The following FBXL13 variants were observed in gnomAD, a reference collection of about 807,000 sequenced individuals.
FBXL13 encodes F-box and leucine-rich repeat protein 13.
FBXL13 carries 67 observed loss-of-function variants against 83.6 expected under a neutral mutation model. The ratio of observed to expected loss-of-function variants is 0.80; its 90% CI spans 0.66 to 0.98. The LOEUF is 0.98. FBXL13 is among the 50% of genes least tolerant of loss of function. The pLI is 0.00. For synonymous variants in FBXL13, 272 were observed against 299.5 expected (o/e 0.91, Z 0.95); for missense variants, 822 against 866.5 (o/e 0.95, Z 0.64).
At chr7:103,024,135 A>AAGAGAGAGAGAGAGAGAGAG (rs59206823) in intron 6 of FBXL13, among the ~76,000 whole-genome samples, 26 of 96,686 alleles carry the variant, frequency 2.7e-4, no homozygotes, top group Admixed American at 8.0e-4. Context: ...AAAAGTTAAA[A>AAGAGAGAGAGAGAGAGAGAG]AGAGAGAGAG....
chr7:102,819,635 A>T (rs887051854), intron 19 of FBXL13, among the ~76,000 whole-genome samples: 2 of 152,216 alleles, frequency 1.3e-5, no homozygotes, highest in South Asian at 2.1e-4. Flanking sequence ...AAATGGAATC[A>T]AGCATGTGGA....
At position 103,029,429 on chromosome 7, in the gene FBXL13, T is replaced by C. The variant is rs1319976290; in HGVS notation, c.1-11A>G. Reference sequence around the variant, plus strand: ...CAATTCCGGAGTCATCTAAAGTAAATAAATAATTGAAATAACAAATATTAG... The same window carrying C: ...CAATTCCGGAGTCATCTAAAGTAAACAAATAATTGAAATAACAAATATTAG... On this transcript the variant is annotated splice_polypyrimidine_tract_variant and intron_variant, in intron 2 of 19. Transcript: ENST00000313221. 1 of 1,415,942 alleles carries C rather than the reference T, an allele frequency of 7.1e-7. No homozygotes were observed. Among genetic ancestry groups the C allele is most frequent in the South Asian group, 1.4e-5 (1 of 72,878 alleles). 87.7% of individuals were successfully genotyped at this position (1,415,942 alleles called of 1,614,324 possible).
Position 102,878,467 on chromosome 7 carries a change from A to G in FBXL13, c.1389-17T>C, listed in dbSNP as rs201942923. 6 of 1,396,934 alleles carry G rather than the reference A, an allele frequency of 4.3e-6. No homozygotes were observed. Among genetic ancestry groups the G allele is most frequent in the Admixed American group, 2.0e-5 (1 of 49,916 alleles). 86.5% of individuals were successfully genotyped at this position (1,396,934 alleles called of 1,614,324 possible). On this transcript the variant is annotated splice_polypyrimidine_tract_variant and intron_variant, in intron 14 of 19. Coordinates refer to ENST00000313221, the Ensembl canonical transcript of FBXL13. ...TCACCAATTCTGTAGGAAAGAGAGA[A>G]AAATTTTACATGTGATTCTATATAT...
At chr7:103,027,602 G>C in intron 4 of FBXL13, 44 bp from the exon 6 acceptor site, 1 of 1,273,880 alleles carries the variant, frequency 7.9e-7, no homozygotes, top group Admixed American at 2.1e-5. Flanking sequence ...AATAGTTATA[G>C]CTGTTTCCAA....
At chr7:102,814,303 C>T (rs1046752135) in intron 19 of FBXL13, 2 of 152,084 alleles carry the variant, frequency 1.3e-5, no homozygotes, top group Non-Finnish European at 2.9e-5. Context: ...CCCATGAAGG[C>T]ACTACCTTCC....
At chr7:102,961,637 GAT>G (rs1825227868) in intron 8 of FBXL13, among the ~76,000 whole-genome samples, 1 of 151,742 alleles carries the variant, frequency 6.6e-6, no homozygotes, top group African/African-American at 2.4e-5. Context: ...CCAAAACAGA[GAT>G]ATAGACCAAT....
intron 6 of FBXL13, among the ~76,000 whole-genome samples, chr7:102,971,354 T>C (rs1225257130): frequency 6.6e-6 from 1 of 152,114 alleles, no homozygotes; most frequent in Non-Finnish European, 1.5e-5. Context: ...TCCCAGCACT[T>C]TGGGAGGCTG....
At chr7:103,073,507 ATAT>A (rs1030437009) in intron 1 of FBXL13, among the ~76,000 whole-genome samples, 28 of 135,552 alleles carry the variant, frequency 2.1e-4, no homozygotes, top group Non-Finnish European at 3.8e-4. Context: ...GATAATAATA[ATAT>A]GTCTTGGAGG....
chr7:102,837,796 G>A (rs779143970), intron 17 of FBXL13, among the ~76,000 whole-genome samples: 1 of 152,250 alleles, frequency 6.6e-6, no homozygotes, highest in East Asian at 1.9e-4. Context: ...TTCCTCCTTG[G>A]CTTCCCAAAA....
At chr7:103,066,612 GTCAAGCTCCTGACCTCA>G (rs1415453602) in intron 1 of FBXL13, among the ~76,000 whole-genome samples, 7 of 151,548 alleles carry the variant, frequency 4.6e-5, no homozygotes, top group African/African-American at 1.7e-4. Context: ...CCAGGATGGT[GTCAAGCTCCTGACCTCA>G]TGATCCACCC....
intron 2 of FBXL13, among the ~76,000 whole-genome samples, chr7:103,030,880 AT>A (rs936609354): frequency 4.6e-5 from 7 of 152,020 alleles, no homozygotes; most frequent in African/African-American, 1.7e-4. Context: ...TCTAATATTC[AT>A]TTTTTAAGAG....
intron 6 of FBXL13, among the ~76,000 whole-genome samples, chr7:103,016,995 A>C (rs953175117): frequency 1.3e-5 from 2 of 152,190 alleles, no homozygotes; most frequent in Admixed American, 6.5e-5. Flanking sequence ...CCCAGCATGG[A>C]GTTTGAGATC....
chr7:103,074,644 C>G (rs1253233202), upstream of FBXL13: 6 of 1,275,164 alleles, frequency 4.7e-6, no homozygotes, highest in Admixed American at 9.2e-5. Flanking sequence ...GACTCCTCCC[C>G]CTTCTAACTC....
intron 2 of FBXL13, among the ~76,000 whole-genome samples, chr7:103,030,573 C>G (rs761135137): frequency 5.3e-5 from 8 of 152,064 alleles, no homozygotes; most frequent in Non-Finnish European, 8.8e-5. Flanking sequence ...ATTTCATGAG[C>G]TTAATTCTTT....
intron 18 of FBXL13, 32 bp from the exon 20 acceptor site, chr7:102,822,235 T>C: frequency 6.2e-7 from 1 of 1,605,546 alleles, no homozygotes; most frequent in Non-Finnish European, 8.5e-7. Flanking sequence ...GTACTGGTTA[T>C]TCAAACACTA....
intron 2 of FBXL13, among the ~76,000 whole-genome samples, chr7:103,034,932 G>A (rs771429198): frequency 6.6e-5 from 10 of 152,220 alleles, no homozygotes; most frequent in Non-Finnish European, 1.3e-4. Flanking sequence ...ATTTTACTGA[G>A]AGGTATTTCC....
At chr7:103,068,096 T>C (rs545248961) in intron 1 of FBXL13, among the ~76,000 whole-genome samples, 3 of 152,110 alleles carry the variant, frequency 2.0e-5, no homozygotes, top group Non-Finnish European at 4.4e-5. Flanking sequence ...TAGAAGGACA[T>C]GACTGAGGAA....
chr7:103,055,506 T>G, intron 2 of FBXL13, 138 bp downstream of exon 2: 1 of 366,948 alleles, frequency 2.7e-6, no homozygotes, highest in Non-Finnish European at 5.0e-6. Context: ...TCTTTGAAAC[T>G]GAAAAGCCTG....
intron 16 of FBXL13, among the ~76,000 whole-genome samples, chr7:102,866,660 A>G (rs191349481): frequency 2.0e-5 from 3 of 152,222 alleles, no homozygotes; most frequent in East Asian, 3.9e-4. Flanking sequence ...TTCCATGCAG[A>G]TGGGTGGTCT....
Sources: allele counts gnomAD v4.1 joint callset (sites outside exome capture counted in the v4.1 genomes callset), GRCh38; gene constraint gnomAD v4.1.1; transcripts MANE v1.5; gene names NCBI Gene and HGNC (gene_info 2026-07-23, HGNC 2026-07-21).